The following RNPEP variants were observed in gnomAD, a reference collection of about 807,000 sequenced individuals.
The protein encoded by RNPEP is arginyl aminopeptidase.
In RNPEP, 57 loss-of-function variants were observed where a neutral mutation model predicts 70.1. The observed-to-expected ratio is 0.81, with a 90% CI of 0.66 to 1.01. The LOEUF (loss-of-function observed/expected upper bound fraction) is 1.01. RNPEP is among the 50% of genes least tolerant of loss of function. RNPEP has a pLI of 0.00. For missense variants in RNPEP, 787 were observed against 852.4 expected (o/e 0.92, Z 0.96); for synonymous variants, 335 against 357.4 (o/e 0.94, Z 0.71).
At chr1:201,991,979 C>T (rs1329792724) in intron 3 of RNPEP, among the ~76,000 whole-genome samples, 3 of 152,152 alleles carry the variant, frequency 2.0e-5, no homozygotes, top group Non-Finnish European at 4.4e-5. Flanking sequence ...TCTCTCCTAA[C>T]ACCCAGGGTT....
At chr1:202,001,270 A>C (rs2102981091) in intron 6 of RNPEP, 106 bp from the exon 7 acceptor site, 1 of 775,968 alleles carries the variant, frequency 1.3e-6, no homozygotes, top group Non-Finnish European at 2.2e-6. Flanking sequence ...GGGGAAGCTG[A>C]ATTCTGATCT....
At chr1:201,986,439 T>A (rs2102961112) in intron 1 of RNPEP, among the ~76,000 whole-genome samples, 1 of 151,898 alleles carries the variant, frequency 6.6e-6, no homozygotes, top group Non-Finnish European at 1.5e-5. Flanking sequence ...TAGCGTAGGA[T>A]GACCCTGTAT....
chr1:201,985,816 T>C (rs1683113057), intron 1 of RNPEP, among the ~76,000 whole-genome samples: 1 of 152,228 alleles, frequency 6.6e-6, no homozygotes, highest in African/African-American at 2.4e-5. Context: ...TTAATGTCTT[T>C]TTCTGTTCCA....
chr1:201,996,508 T>TGTGTGTGC, intron 4 of RNPEP: 1 of 368,734 alleles, frequency 2.7e-6, no homozygotes, highest in Non-Finnish European at 5.0e-6. Context: ...TGTGTGTGTG[T>TGTGTGTGC]TTTGAGATGG....
chr1:202,004,915 A>G (rs1683991201), intron 10 of RNPEP, among the ~76,000 whole-genome samples: 2 of 152,170 alleles, frequency 1.3e-5, no homozygotes, highest in Admixed American at 6.5e-5. Context: ...CTCTGTCACT[A>G]TGTGAAAGTT....
At position 201,996,061 on chromosome 1, in the gene RNPEP, G is replaced by A. The variant is rs1683536655; in HGVS notation, c.738-86G>A. ...GCATTGTCACATTCACTTGGCGGAG[G>A]CCAATTTCCTACAGGTGCTTTCAGG... On this transcript the variant is annotated intron_variant, in intron 3 of 10. Transcript: ENST00000295640. 5.9e-5 allele frequency: 62 copies of A among 1,053,622 alleles called. 1 individual carries two copies. The South Asian group carries it at 7.9e-4, about 14-fold the overall frequency. 65.3% of individuals were successfully genotyped at this position (1,053,622 alleles called of 1,614,324 possible).
chr1:201,993,753 TG>T (rs1431926254), intron 3 of RNPEP, among the ~76,000 whole-genome samples: 1 of 152,194 alleles, frequency 6.6e-6, no homozygotes, highest in Non-Finnish European at 1.5e-5. Flanking sequence ...CACTCCAGCC[TG>T]GGCAACAGAG....
intron 8 of RNPEP, among the ~76,000 whole-genome samples, chr1:202,002,462 G>A (rs945285626): frequency 1.3e-5 from 2 of 152,180 alleles, no homozygotes; most frequent in African/African-American, 2.4e-5. Flanking sequence ...GTGCCCAGCC[G>A]CCAGTTTCTG....
At chr1:202,000,188 C>T in intron 6 of RNPEP, 173 bp downstream of exon 6, 1 of 550,528 alleles carries the variant, frequency 1.8e-6, no homozygotes, top group East Asian at 3.0e-5. Flanking sequence ...TGAACCCAAG[C>T]CATTGCAGCC....
At chr1:201,996,296 T>G (rs774645075) in intron 4 of RNPEP, 33 bp downstream of exon 4, 60 of 1,392,634 alleles carry the variant, frequency 4.3e-5, no homozygotes, top group Non-Finnish European at 5.9e-5. Flanking sequence ...GTGTCTCCTG[T>G]TAAACTGAGT....
intron 4 of RNPEP, among the ~76,000 whole-genome samples, chr1:201,996,668 A>G (rs926802678): frequency 6.6e-6 from 1 of 151,900 alleles, no homozygotes; most frequent in South Asian, 2.1e-4. Flanking sequence ...TAATTTTTGT[A>G]TTTTTAGTAG....
rs746003701 is a variant in RNPEP, at chr1:202,005,729, A to G, written c.*13A>G. 13 of 1,613,490 alleles carry G rather than the reference A, an allele frequency of 8.1e-6. No homozygotes were observed. The Admixed American group carries it at 1.3e-4, about 17-fold the overall frequency. On this transcript the variant is annotated 3_prime_UTR_variant, in exon 11 of 11. Coordinates refer to ENST00000295640, the MANE Select transcript of RNPEP (RefSeq NM_020216.4). ...CAAGGGCAGTTAGAGGCTCGTGTGC[A>G]TGGCCCCTGCCTCTTCAGGCTCTCC...
intron 1 of RNPEP, among the ~76,000 whole-genome samples, chr1:201,984,065 G>T (rs920415316): frequency 1.3e-5 from 2 of 152,146 alleles, no homozygotes; most frequent in Non-Finnish European, 2.9e-5. Context: ...CTAGTAGCTG[G>T]GACTACAGGC....
rs1399777409 is a variant in RNPEP at position 201,982,841 on chromosome 1, C to T, written c.175C>T (p.Leu59=). 3.0e-6 allele frequency: 4 copies of T among 1,346,678 alleles called. No homozygotes were observed. Among genetic ancestry groups the T allele is most frequent in the South Asian group, 2.1e-5 (1 of 47,762 alleles). 83.4% of individuals were successfully genotyped at this position (1,346,678 alleles called of 1,614,324 possible). Residue 59 remains leucine (L), a synonymous_variant, in exon 1 of 11, where the codon CTG becomes TTG. Transcript: ENST00000295640. Reference sequence around the variant, plus strand: ...AGGGCCCGGCGCAGGGAGCCGGGGGCTGAGCGGCACCGCGGTCCTGGACCT... The same window carrying T: ...AGGGCCCGGCGCAGGGAGCCGGGGGTTGAGCGGCACCGCGGTCCTGGACCT... The part of the protein sequence containing the change: ...PPGPGAGSRG[L]SGTAVLDLRC...
At chr1:201,989,171 C>A (rs1683234972) in intron 2 of RNPEP, 127 bp downstream of exon 2, 2 of 1,323,630 alleles carry the variant, frequency 1.5e-6, no homozygotes, top group Non-Finnish European at 2.1e-6. Flanking sequence ...AAATTGCTTA[C>A]TTTTAAATTC....
chr1:201,996,281 C>T lies in RNPEP; in HGVS notation c.854+18C>T. The T allele has an allele frequency of 6.7e-7, 1 of 1,494,628 alleles. No homozygotes were observed. The highest frequency in any genetic ancestry group is 1.1e-5 in the South Asian group (1 of 88,636). The allele number at this position is 1,494,628 out of a possible 1,614,324, so 92.6% of individuals were successfully genotyped here. ...TGGGGAAGGTGTGGTATCACATTGA[C>T]TCTAGTGTCTCCTGTTAAACTGAGT... On this transcript the variant is annotated intron_variant, in intron 4 of 10. Transcript: ENST00000295640.
intron 1 of RNPEP, among the ~76,000 whole-genome samples, chr1:201,986,891 T>C (rs1479692051): frequency 1.3e-5 from 2 of 152,206 alleles, no homozygotes; most frequent in African/African-American, 4.8e-5. Flanking sequence ...ACATGATTTA[T>C]GACTGTCAGC....
At chr1:201,995,505 A>G (rs555487845) in intron 3 of RNPEP, among the ~76,000 whole-genome samples, 112 of 120,306 alleles carry the variant, frequency 9.3e-4, no homozygotes, top group Non-Finnish European at 1.6e-3. Context: ...CAACATAGCG[A>G]AACCCTACCT....
intron 3 of RNPEP, among the ~76,000 whole-genome samples, chr1:201,993,861 G>A (rs1475021550): frequency 2.0e-5 from 3 of 152,052 alleles, no homozygotes; most frequent in Non-Finnish European, 4.4e-5. Context: ...CTGTAGCCAG[G>A]TGACTTCAGT....
Sources: gnomAD v4.1 joint callset for allele counts (sites outside exome capture counted in the v4.1 genomes callset) on GRCh38, gnomAD v4.1.1 for gene constraint, MANE v1.5 for transcripts, NCBI Gene and HGNC (gene_info 2026-07-23, HGNC 2026-07-21) for gene names.